Variants in ENPP6 observed in about 807,000 individuals in gnomAD.
The protein encoded by ENPP6 is ectonucleotide pyrophosphatase/phosphodiesterase 6.
ENPP6 carries 32 observed loss-of-function variants against 42.0 expected under a neutral mutation model. The observed-to-expected ratio is 0.76, with a 90% CI of 0.58 to 1.02. ENPP6 has a LOEUF of 1.02. ENPP6 is among the 50% of genes least tolerant of loss of function. The pLI is 0.00. For missense variants in ENPP6, 552 were observed against 566.8 expected (o/e 0.97, Z 0.27); for synonymous variants, 213 against 216.0 (o/e 0.99, Z 0.12).
chr4:184,114,996 C>T (rs1015276096), intron 5 of ENPP6, among the ~76,000 whole-genome samples: 1 of 152,024 alleles, frequency 6.6e-6, no homozygotes, highest in Non-Finnish European at 1.5e-5. Flanking sequence ...TTCCTCAACC[C>T]CAAACAGACA....
intron 1 of ENPP6, among the ~76,000 whole-genome samples, chr4:184,157,700 C>T (rs753319067): frequency 4.6e-5 from 7 of 151,744 alleles, no homozygotes; most frequent in Non-Finnish European, 8.8e-5. Context: ...GCAACCTTGA[C>T]CTCCCCAGGT....
In ENPP6 at chr4:184,117,899, T is replaced by C; in HGVS notation, c.535A>G (p.Ser179Gly). 1 of 1,613,910 alleles carries C rather than the reference T, an allele frequency of 6.2e-7. No individual in the cohort carries two copies. Among genetic ancestry groups the C allele is most frequent in the Non-Finnish European group, 8.5e-7 (1 of 1,179,938 alleles). ...AVSDALDSFKSGRADLAAIYH... is the reference protein window; with the variant it reads ...AVSDALDSFKGGRADLAAIYH... ...ATGGCTGCCAGGTCGGCCCGGCCAC[T>C]CCTGGAGGGACAGAGGAGAGAGGCA... Residue 179 changes from serine to glycine, a missense_variant and splice_region_variant, in exon 4 of 8, where the codon AGT (serine) becomes GGT (glycine). Transcript: ENST00000296741.
chr4:184,101,304 TTGTGTGTGTGTGTGTGTG>T (rs56174532), intron 6 of ENPP6, among the ~76,000 whole-genome samples: 107 of 137,184 alleles, frequency 7.8e-4, no homozygotes, highest in Admixed American at 1.8e-3. Context: ...GTGTGTGAGC[TTGTGTGTGTGTGTGTGTG>T]TGTGTGTGTG....
intron 6 of ENPP6, among the ~76,000 whole-genome samples, chr4:184,099,052 A>G (rs1379829985): frequency 2.0e-5 from 3 of 152,212 alleles, no homozygotes; most frequent in Non-Finnish European, 4.4e-5. Flanking sequence ...AGTGGGGATG[A>G]TACCATTTGC....
intron 6 of ENPP6, 54 bp from the exon 7 acceptor site, chr4:184,097,422 C>G (rs1315617358): frequency 5.0e-6 from 8 of 1,600,864 alleles, no homozygotes; most frequent in East Asian, 2.2e-5. Flanking sequence ...TGGCGCTGAG[C>G]GGGCATCTGC....
rs768874081 is a variant in ENPP6 at position 184,217,738 on chromosome 4, C to A, written c.82G>T (p.Val28Leu). The A allele has an allele frequency of 4.3e-6, 7 of 1,614,092 alleles. No individual in the cohort carries two copies. The highest frequency in any genetic ancestry group is 1.1e-5 in the South Asian group (1 of 91,088). Reference protein sequence around the residue: ...QPASARRKLLVFLLDGFRSDY... With the variant: ...QPASARRKLLLFLLDGFRSDY... The stretch of plus-strand genomic sequence containing the variant: ...GAGCGAAAACCATCCAGCAGAAACA[C>A]CAGCAGCTTCCGGCGGGCAGAGGCT... The change falls in exon 1 of 8, where the codon GTG becomes TTG. Residue 28 changes from valine to leucine, a missense_variant. Around this residue, in one of 2 missense-constraint regions of ENPP6, gnomAD observed 545 missense variants for 546.3 expected, o/e 1.00. Transcript: ENST00000296741.
At chr4:184,104,547 T>C (rs1298047198) in intron 6 of ENPP6, among the ~76,000 whole-genome samples, 1 of 152,208 alleles carries the variant, frequency 6.6e-6, no homozygotes, top group African/African-American at 2.4e-5. Context: ...TGGGGAGAGC[T>C]GTGTCCTGCC....
At chr4:184,130,370 A>G (rs1440560787) in intron 2 of ENPP6, among the ~76,000 whole-genome samples, 1 of 149,214 alleles carries the variant, frequency 6.7e-6, no homozygotes, top group African/African-American at 2.5e-5. Flanking sequence ...CATCCTGGCT[A>G]ACACGGTGAA....
intron 1 of ENPP6, among the ~76,000 whole-genome samples, chr4:184,174,631 C>CCAGGATTGGAACTAAT (rs1737531684): frequency 9.1e-5 from 12 of 132,100 alleles, no homozygotes; most frequent in Middle Eastern, 3.4e-3. Context: ...TCCAAATGTA[C>CCAGGATTGGAACTAAT]CCTGCCAGTA....
chr4:184,145,289 T>C (rs1736899183), intron 2 of ENPP6, among the ~76,000 whole-genome samples: 1 of 152,180 alleles, frequency 6.6e-6, no homozygotes, highest in African/African-American at 2.4e-5. Context: ...CCTTGCTGCT[T>C]CCCCCTTTCA....
At chr4:184,112,581 T>C in intron 6 of ENPP6, 91 bp downstream of exon 6, 1 of 1,456,332 alleles carries the variant, frequency 6.9e-7, no homozygotes, top group African/African-American at 1.4e-5. Context: ...AAAAATCTTT[T>C]ATGTATAAAA....
intron 3 of ENPP6, among the ~76,000 whole-genome samples, chr4:184,122,717 A>G (rs1365601335): frequency 1.3e-5 from 2 of 152,244 alleles, no homozygotes; most frequent in Non-Finnish European, 2.9e-5. Flanking sequence ...AGATGAATGC[A>G]AAAAGGATGA....
chr4:184,200,294 C>T (rs909410102), intron 1 of ENPP6, among the ~76,000 whole-genome samples: 1 of 152,220 alleles, frequency 6.6e-6, no homozygotes, highest in Non-Finnish European at 1.5e-5. Context: ...TCCGGACCCA[C>T]TCGGCACATC....
At chr4:184,092,504 G>A (rs1735825434) in intron 7 of ENPP6, among the ~76,000 whole-genome samples, 1 of 152,164 alleles carries the variant, frequency 6.6e-6, no homozygotes, top group Non-Finnish European at 1.5e-5. Flanking sequence ...GGTGAGTGAG[G>A]GACGCCGAGG....
intron 2 of ENPP6, among the ~76,000 whole-genome samples, chr4:184,137,300 T>C (rs1374600127): frequency 6.6e-6 from 1 of 152,184 alleles, no homozygotes; most frequent in African/African-American, 2.4e-5. Flanking sequence ...TTTCACCATG[T>C]TGGCCAGATT....
intron 6 of ENPP6, among the ~76,000 whole-genome samples, chr4:184,111,005 C>A (rs765521000): frequency 1.3e-5 from 2 of 152,118 alleles, no homozygotes; most frequent in Admixed American, 6.5e-5. Context: ...GCACCTGTCA[C>A]ATCCTACTGC....
At chr4:184,139,093 G>A (rs1736777572) in intron 2 of ENPP6, among the ~76,000 whole-genome samples, 1 of 152,218 alleles carries the variant, frequency 6.6e-6, no homozygotes, top group Admixed American at 6.5e-5. Flanking sequence ...CCAAGTGGAT[G>A]GAGACTGGAC....
intron 2 of ENPP6, among the ~76,000 whole-genome samples, chr4:184,146,681 T>C (rs1334729127): frequency 6.6e-6 from 1 of 152,160 alleles, no homozygotes; most frequent in Non-Finnish European, 1.5e-5. Context: ...CTGGAACAAG[T>C]GTGTGTCAAC....
At chr4:184,131,689 T>G (rs1449499120) in intron 2 of ENPP6, among the ~76,000 whole-genome samples, 5 of 151,870 alleles carry the variant, frequency 3.3e-5, no homozygotes, top group African/African-American at 9.7e-5. Context: ...TAAGACTCAG[T>G]TGCTCCATCC....
Sources: allele counts gnomAD v4.1 joint callset (sites outside exome capture counted in the v4.1 genomes callset), GRCh38; gene constraint gnomAD v4.1.1; regional missense constraint gnomAD v4.1.1; transcripts MANE v1.5; gene names NCBI Gene and HGNC (gene_info 2026-07-23, HGNC 2026-07-21).